The following ADD1 variants were observed in gnomAD, a reference collection of about 807,000 sequenced individuals.
ADD1 encodes the protein alpha-adducin.
In ADD1, 24 loss-of-function variants were observed where a neutral mutation model predicts 80.5. The ratio of observed to expected loss-of-function variants is 0.30; its 90% confidence interval spans 0.22 to 0.42. The LOEUF (loss-of-function observed/expected upper bound fraction) is 0.42. ADD1 is among the 10% of genes least tolerant of loss of function. The pLI, the probability that ADD1 is intolerant of heterozygous loss-of-function variation, is 1.00. For missense variants in ADD1, 948 were observed against 1,019.0 expected, an observed-to-expected ratio of 0.93 and a Z score of 0.95; for synonymous variants, 373 against 393.8, an observed-to-expected ratio of 0.95 and a Z score of 0.63.
intron 3 of ADD1, among the ~76,000 whole-genome samples, chr4:2,883,885 A>ATGG (rs1157685951): frequency 2.0e-5 from 3 of 152,060 alleles, no homozygotes; most frequent in East Asian, 3.9e-4. Context: ...GTTAGCCAGG[A>ATGG]TGGTCTCGAT....
rs567724901 is a variant in ADD1, at chr4:2,873,315, T to G, written c.-20-2581T>G. On this transcript the variant is annotated intron_variant, in intron 1 of 15. Coordinates refer to ENST00000683351, the MANE Select transcript of ADD1 (RefSeq NM_001354761.2). ...CAAATAATAACTTCTCTGTAGAGAT[T>G]TTACTTGAAAACTAAGTTGATGAAA... Among the ~76,000 whole-genome samples, 219 of 152,224 alleles carry G rather than the reference T, an allele frequency of 1.4e-3. 1 individual carries two copies. The highest frequency in any genetic ancestry group is 5.1e-3 in the African/African-American group (212 of 41,546).
chr4:2,906,161 T>C (rs1014304271), intron 10 of ADD1, among the ~76,000 whole-genome samples: 1 of 152,186 alleles, frequency 6.6e-6, no homozygotes, highest in East Asian at 1.9e-4. Context: ...CTTCCCCAGG[T>C]GGTCCTGGTG....
chr4:2,884,417 A>ATG, intron 3 of ADD1, 98 bp from the exon 4 acceptor site: 1 of 977,322 alleles, frequency 1.0e-6, no homozygotes, highest in Admixed American at 2.7e-5. Context: ...CCTCAAACTC[A>ATG]TGGCTTCAAG....
intron 1 of ADD1, among the ~76,000 whole-genome samples, chr4:2,873,150 G>T (rs983416633): frequency 3.9e-5 from 6 of 152,054 alleles, no homozygotes; most frequent in Admixed American, 3.9e-4. Flanking sequence ...GTGCCCCCAC[G>T]CCCCGCTAAT....
chr4:2,901,856 C>CCCT (rs1553845592), intron 9 of ADD1: 1 of 149,524 alleles, frequency 6.7e-6, no homozygotes, highest in Non-Finnish European at 1.5e-5. Context: ...TTGTCCCCCC[C>CCCT]CCAAAAAAAA....
chr4:2,872,163 A>C (rs1223290232), intron 1 of ADD1, among the ~76,000 whole-genome samples: 1 of 152,202 alleles, frequency 6.6e-6, no homozygotes, highest in Non-Finnish European at 1.5e-5. Flanking sequence ...AGCAGATGTC[A>C]CTTGGGCAGG....
chr4:2,876,704 T>G (rs988816132), intron 2 of ADD1, among the ~76,000 whole-genome samples: 1 of 151,908 alleles, frequency 6.6e-6, no homozygotes, highest in Admixed American at 6.5e-5. Flanking sequence ...CCAGGCGTAG[T>G]GGCGGGCGCC....
chr4:2,903,408 C>T (rs906624369), intron 9 of ADD1, among the ~76,000 whole-genome samples: 1 of 152,182 alleles, frequency 6.6e-6, no homozygotes, highest in African/African-American at 2.4e-5. Context: ...TTCTGTGGGG[C>T]AGGAGTCCAG....
In ADD1 at chr4:2,926,428, G is replaced by A; in HGVS notation, c.2047+316G>A. 1 of 692,824 alleles carries A rather than the reference G, an allele frequency of 1.4e-6. No individual in the cohort carries two copies. Among genetic ancestry groups the A allele is most frequent in the Non-Finnish European group, 2.6e-6 (1 of 381,590 alleles). 42.9% of individuals were successfully genotyped at this position (692,824 alleles called of 1,614,324 possible). A position where few individuals can be genotyped will look rare whatever the true frequency, so the allele number is the denominator to read the frequency against. ...TGTCATGCAGATGCCACCTTCGGAG[G>A]TGCCCTCCGCTGTGTGAGCCACACG... On this transcript the variant is annotated intron_variant, in intron 15 of 15. Coordinates refer to ENST00000683351, the MANE Select transcript of ADD1 (RefSeq NM_001354761.2). The surrounding 1 kb of genome is among the most constrained non-coding windows in gnomAD (Gnocchi z 5.0).
chr4:2,850,279 T>C (rs1726866482), intron 1 of ADD1, among the ~76,000 whole-genome samples: 1 of 152,248 alleles, frequency 6.6e-6, no homozygotes, highest in Non-Finnish European at 1.5e-5. Context: ...TGTTTTTTGT[T>C]TTTTGTGAGA....
In ADD1 at chr4:2,930,036, T is replaced by TA. The variant is rs1712780831; in HGVS notation, c.*1514dup. On this transcript the variant is annotated 3_prime_UTR_variant, in exon 16 of 16. Coordinates refer to ENST00000683351, the MANE Select transcript of ADD1 (RefSeq NM_001354761.2). Reference sequence around the variant, plus strand: ...GTCCTTTCTCCAGTGTAACATGTTTTACTCACAAATAAAATTCTTTCAGCA... The same window carrying TA: ...GTCCTTTCTCCAGTGTAACATGTTTTAACTCACAAATAAAATTCTTTCAGCA... The TA allele has an allele frequency of 6.6e-6, 1 of 152,524 alleles. No homozygotes were observed. Among genetic ancestry groups the TA allele is most frequent in the African/African-American group, 2.4e-5 (1 of 41,472 alleles). The allele number at this position is 152,524 out of a possible 1,614,324, so 9.4% of individuals were successfully genotyped here. A position where few individuals can be genotyped will look rare whatever the true frequency, so the allele number is the denominator to read the frequency against.
rs1009072801 is a variant in ADD1, at chr4:2,928,088, C to T, written c.2048-83C>T. 20 of 1,232,040 alleles carry T rather than the reference C, an allele frequency of 1.6e-5. No homozygotes were observed. In the East Asian group the frequency reaches 2.6e-4, roughly 16 times the overall value. 76.3% of individuals were successfully genotyped at this position (1,232,040 alleles called of 1,614,324 possible). A position where few individuals can be genotyped will look rare whatever the true frequency, so the allele number is the denominator to read the frequency against. On this transcript the variant is annotated intron_variant, in intron 15 of 15. Coordinates refer to ENST00000683351, the MANE Select transcript of ADD1 (RefSeq NM_001354761.2). ...GTAGAGTAAAATAAAATGGCAGTTT[C>T]GTGTGTGGGGCTCCCCCATCTCAAG...
chr4:2,865,413 T>C (rs980274779), intron 1 of ADD1, among the ~76,000 whole-genome samples: 1 of 152,252 alleles, frequency 6.6e-6, no homozygotes, highest in Non-Finnish European at 1.5e-5. Context: ...GTTTCAGAGT[T>C]AATGAAGTAT....
At chr4:2,847,101 G>A (rs772580300) in intron 1 of ADD1, among the ~76,000 whole-genome samples, 6 of 151,614 alleles carry the variant, frequency 4.0e-5, no homozygotes, top group African/African-American at 1.5e-4. Context: ...TGGGCGACAC[G>A]GAGCGAGACT....
intron 4 of ADD1, among the ~76,000 whole-genome samples, chr4:2,892,600 C>T (rs571858412): frequency 9.2e-5 from 14 of 152,070 alleles, no homozygotes; most frequent in Non-Finnish European, 1.8e-4. Context: ...GAGGCTGAGG[C>T]GGGAGGATTG....
intron 14 of ADD1, among the ~76,000 whole-genome samples, chr4:2,923,390 G>A (rs1484410788): frequency 6.6e-6 from 1 of 152,228 alleles, no homozygotes; most frequent in African/African-American, 2.4e-5. Flanking sequence ...GGCTAGATGA[G>A]GGAGTTCCCC....
At chr4:2,853,668 A>G (rs946285193) in intron 1 of ADD1, 9 of 151,882 alleles carry the variant, frequency 5.9e-5, no homozygotes, top group Admixed American at 5.9e-4. Flanking sequence ...CAATGGTGCA[A>G]TCACGGCTCA....
In ADD1 at chr4:2,899,388, A is replaced by G. The variant is rs1577631553; in HGVS notation, c.1114A>G (p.Ile372Val). ...EGTGSPPKWQ[I>V]GEQEFEALMR... ...CACTGGATCGCCTCCCAAGTGGCAG[A>G]TTGGTGAGCAGGAATTTGAAGCCCT... Residue 372 changes from isoleucine (I) to valine (V), a missense_variant, in exon 9 of 16, where the codon ATT becomes GTT. Transcript: ENST00000683351. 1.2e-6 allele frequency: 2 copies of G among 1,614,190 alleles called. No homozygotes were observed. Among genetic ancestry groups the G allele is most frequent in the Non-Finnish European group, 8.5e-7 (1 of 1,180,028 alleles).
At chr4:2,886,305 T>A (rs1342204928) in intron 4 of ADD1, among the ~76,000 whole-genome samples, 1 of 152,234 alleles carries the variant, frequency 6.6e-6, no homozygotes, top group African/African-American at 2.4e-5. Flanking sequence ...GCTAAGCCTC[T>A]TGAGGTGACG....
Sources: allele counts gnomAD v4.1 joint callset (sites outside exome capture counted in the v4.1 genomes callset), GRCh38; gene constraint gnomAD v4.1.1; non-coding constraint Gnocchi (gnomAD v3.1); transcripts MANE v1.5; gene names NCBI Gene and HGNC (gene_info 2026-07-23, HGNC 2026-07-21).